Variants in CFAP54 observed in about 807,000 individuals in gnomAD.
CFAP54 encodes the protein cilia- and flagella-associated protein 54.
Under a neutral mutation model 370.4 loss-of-function variants are expected in CFAP54, and 290 were observed. The observed-to-expected ratio is 0.78, with a 90% confidence interval of 0.71 to 0.86. The LOEUF (loss-of-function observed/expected upper bound fraction) is 0.86, where lower values mean the gene tolerates loss of function less well. Among genes scored for constraint, CFAP54 ranks in the 40% least tolerant of loss-of-function variants. The probability of loss-of-function intolerance (pLI) is 0.00; values close to 1 mark genes in which losing one functional copy is unlikely to be tolerated. For missense variants in CFAP54, 3,399 were observed against 3,528.7 expected (o/e 0.96, Z 0.93); for synonymous variants, 1,206 against 1,236.5 (o/e 0.98, Z 0.52).
rs982406459 is a variant in CFAP54 at position 96,657,751 on chromosome 12, C to A, written c.5101-131C>A. 29 of 697,422 alleles carry A rather than the reference C, an allele frequency of 4.2e-5. No individual in the cohort carries two copies. The African/African-American group carries it at 4.7e-4, about 11-fold the overall frequency. The allele number at this position is 697,422 out of a possible 1,614,324, so 43.2% of individuals were successfully genotyped here. A position where few individuals can be genotyped will look rare whatever the true frequency, so the allele number is the denominator to read the frequency against. On this transcript the variant is annotated intron_variant, in intron 36 of 67. Coordinates refer to ENST00000524981, the MANE Select transcript of CFAP54 (RefSeq NM_001306084.2). Reference sequence around the variant, plus strand: ...CATCAAATTATCAAGCTTTGACTTGCATAAGAAAAATATTTTTTCTTTTCA... The same window carrying A: ...CATCAAATTATCAAGCTTTGACTTGAATAAGAAAAATATTTTTTCTTTTCA...
chr12:96,838,157 C>T (rs1043574720), intron 66 of CFAP54, among the ~76,000 whole-genome samples: 1 of 152,122 alleles, frequency 6.6e-6, no homozygotes, highest in Admixed American at 6.5e-5. Flanking sequence ...ATTAGGAAGA[C>T]CTTTGGAAGA....
intron 66 of CFAP54, among the ~76,000 whole-genome samples, chr12:96,857,676 C>T (rs964897345): frequency 2.0e-5 from 3 of 152,040 alleles, no homozygotes; most frequent in African/African-American, 4.8e-5. Context: ...GTGGTTTCCC[C>T]CATGCTGTTC....
chr12:96,612,552 T>C (rs1037843101), intron 26 of CFAP54, among the ~76,000 whole-genome samples: 5 of 152,152 alleles, frequency 3.3e-5, no homozygotes, highest in Non-Finnish European at 7.3e-5. Context: ...TAACCTTAAA[T>C]GTAAATGGGC....
chr12:96,803,067 C>T (rs1223059480), intron 63 of CFAP54, among the ~76,000 whole-genome samples: 1 of 152,130 alleles, frequency 6.6e-6, no homozygotes, highest in Non-Finnish European at 1.5e-5. Context: ...TTTCTTTATC[C>T]AGTCTATCAT....
At chr12:96,823,138 C>CTGTGTGTG (rs34092422) in intron 65 of CFAP54, among the ~76,000 whole-genome samples, 29 of 148,046 alleles carry the variant, frequency 2.0e-4, no homozygotes, top group African/African-American at 4.5e-4. Flanking sequence ...GTGTGTGTGT[C>CTGTGTGTG]TGTGTGTGTG....
At chr12:96,664,677 A>T (rs1409637689) in intron 39 of CFAP54, among the ~76,000 whole-genome samples, 1 of 135,260 alleles carries the variant, frequency 7.4e-6, no homozygotes, top group Admixed American at 7.7e-5. Flanking sequence ...AGAACAATTT[A>T]TATTCCTTTG....
intron 14 of CFAP54, among the ~76,000 whole-genome samples, chr12:96,544,562 T>A (rs923951084): frequency 6.6e-6 from 1 of 152,114 alleles, no homozygotes; most frequent in Admixed American, 6.6e-5. Flanking sequence ...ATAAAGAAAT[T>A]CTTTGACCTA....
chr12:96,679,612 C>G lies in CFAP54; in HGVS notation c.5576C>G (p.Ala1859Gly), dbSNP rs1293858722. The change falls in exon 40 of 68, where the codon GCC becomes GGC. Residue 1859 changes from alanine to glycine, a missense_variant. Physicochemically the swap from Ala to Gly is moderately conservative, Grantham distance 60 (BLOSUM62 0). Transcript: ENST00000524981. ...KMLISSEYSR[A>G]KALVCVPVDV... ...TCTTTCCTTTCAGAATACAGCCGAG[C>G]CAAAGCGCTTGTCTGCGTGCCCGTG... 1 of 1,612,124 alleles carries G rather than the reference C, an allele frequency of 6.2e-7. No homozygotes were observed. Among genetic ancestry groups the G allele is most frequent in the South Asian group, 1.1e-5 (1 of 90,672 alleles).
At chr12:96,662,288 T>C (rs1257841352) in intron 38 of CFAP54, among the ~76,000 whole-genome samples, 3 of 152,182 alleles carry the variant, frequency 2.0e-5, no homozygotes, top group Non-Finnish European at 4.4e-5. Context: ...CGCTGCAACC[T>C]CTGCCTCCTA....
Position 96,533,813 on chromosome 12 carries a change from G to C in CFAP54, c.1379G>C (p.Gly460Ala). 6.5e-7 allele frequency: 1 copy of C among 1,526,766 alleles called. No individual in the cohort carries two copies. The allele number at this position is 1,526,766 out of a possible 1,614,324, so 94.6% of individuals were successfully genotyped here. ...CTAGTGTCAAATATTGGTGCAGATGGAATGCTTGATTTTCCAAAAACATCT... is the reference window on the plus strand; with the variant it reads ...CTAGTGTCAAATATTGGTGCAGATGCAATGCTTGATTTTCCAAAAACATCT... ...LLIMSNIGAD[G>A]MLDFPKTSLL... Residue 460 changes from glycine (G) to alanine (A), a missense_variant, in exon 10 of 68, where the codon GGA (glycine) becomes GCA (alanine). Physicochemically the swap from Gly to Ala is moderately conservative, Grantham distance 60 (BLOSUM62 0). Around this residue, in one of 3 missense-constraint regions of CFAP54, gnomAD observed 559 missense variants for 576.7 expected, o/e 0.97. Coordinates refer to ENST00000524981, the MANE Select transcript of CFAP54 (RefSeq NM_001306084.2).
chr12:96,676,968 C>T (rs1027574719), intron 39 of CFAP54, among the ~76,000 whole-genome samples: 1 of 151,574 alleles, frequency 6.6e-6, no homozygotes, highest in Non-Finnish European at 1.5e-5. Context: ...TGATCTCAGA[C>T]TTCTAGCCCC....
At position 96,598,786 on chromosome 12, in the gene CFAP54, ATCTAGTATT is replaced by A. The variant is rs1565908725; in HGVS notation, c.3639+20_3639+28del. The A allele has an allele frequency of 3.5e-6, 2 of 570,942 alleles. No individual in the cohort carries two copies. The highest frequency in any genetic ancestry group is 6.3e-6 in the Non-Finnish European group (2 of 315,530). 35.4% of individuals were successfully genotyped at this position (570,942 alleles called of 1,614,324 possible). A position where few individuals can be genotyped will look rare whatever the true frequency, so the allele number is the denominator to read the frequency against. ...AACAAAGGTATTTATCTCATTCTTT[ATCTAGTATT>A]ATAATATTTAGGAGCGATGATGATT... is the stretch of plus-strand genomic sequence containing the variant. On this transcript the variant is annotated intron_variant, in intron 26 of 67. Coordinates refer to ENST00000524981, the MANE Select transcript of CFAP54 (RefSeq NM_001306084.2).
chr12:96,791,513 A>C (rs1466943940), intron 62 of CFAP54, among the ~76,000 whole-genome samples: 1 of 152,184 alleles, frequency 6.6e-6, no homozygotes, highest in East Asian at 1.9e-4. Context: ...AAAACTTACA[A>C]ATCAGCCACA....
intron 30 of CFAP54, among the ~76,000 whole-genome samples, chr12:96,627,951 T>A (rs892238784): frequency 1.5e-4 from 23 of 152,242 alleles, no homozygotes; most frequent in African/African-American, 5.3e-4. Flanking sequence ...ACTGTATTTA[T>A]ACTGTACTTT....
chr12:96,544,354 T>C (rs1312297307), intron 14 of CFAP54, among the ~76,000 whole-genome samples: 1 of 152,042 alleles, frequency 6.6e-6, no homozygotes, highest in Non-Finnish European at 1.5e-5. Flanking sequence ...AAGAGAGTCT[T>C]TTGTTATAAT....
At chr12:96,679,926 G>C in intron 40 of CFAP54, among the ~76,000 whole-genome samples, 174 bp downstream of exon 40, 1 of 152,114 alleles carries the variant, frequency 6.6e-6, no homozygotes, top group Non-Finnish European at 1.5e-5. Context: ...TTTAACCAAT[G>C]CACTTTCTCA....
At chr12:96,597,292 C>G (rs1956190370) in intron 25 of CFAP54, among the ~76,000 whole-genome samples, 1 of 151,954 alleles carries the variant, frequency 6.6e-6, no homozygotes, top group African/African-American at 2.4e-5. Context: ...AGTTCCACCT[C>G]TTGGTTCCTG....
chr12:96,526,793 A>G (rs1367171920), intron 8 of CFAP54, among the ~76,000 whole-genome samples: 1 of 152,194 alleles, frequency 6.6e-6, no homozygotes, highest in Admixed American at 6.5e-5. Context: ...TGACATCTCA[A>G]AAAACCATAA....
Position 96,594,375 on chromosome 12 carries a change from G to A in CFAP54, c.3445G>A (p.Ala1149Thr), listed in dbSNP as rs942464339. 7.2e-6 allele frequency: 11 copies of A among 1,534,458 alleles called. No individual in the cohort carries two copies. Among genetic ancestry groups the A allele is most frequent in the South Asian group, 2.4e-5 (2 of 83,932 alleles). The change falls in exon 25 of 68, where the codon GCT (alanine) becomes ACT (threonine). Residue 1149 changes from alanine (A) to threonine (T), a missense_variant. Ala to Thr is a moderately conservative substitution (Grantham distance 58). Around this residue, in one of 3 missense-constraint regions of CFAP54, gnomAD observed 2,796 missense variants for 2,869.7 expected, o/e 0.97. Coordinates refer to ENST00000524981, the MANE Select transcript of CFAP54 (RefSeq NM_001306084.2). ...FLNDSSYALQAVTQCYGLLAP... is the reference protein window; with the variant it reads ...FLNDSSYALQTVTQCYGLLAP... ...AAATGATTCCAGCTATGCCCTTCAA[G>A]CTGTGACTCAATGTTATGGACTTCT...
Sources: allele counts gnomAD v4.1 joint callset (sites outside exome capture counted in the v4.1 genomes callset), GRCh38; gene constraint gnomAD v4.1.1; regional missense constraint gnomAD v4.1.1; transcripts MANE v1.5; gene names NCBI Gene and HGNC (gene_info 2026-07-23, HGNC 2026-07-21).